GPR39: variants seen among roughly 807,000 people sequenced by gnomAD.
The protein encoded by GPR39 is zinc sensing receptor.
GPR39 carries 23 observed loss-of-function variants against 18.4 expected under a neutral mutation model. That is an observed-to-expected ratio of 1.25 (90% CI 0.90 to 1.77). The LOEUF (loss-of-function observed/expected upper bound fraction) is 1.77. Ranked by LOEUF, GPR39 falls within the 40% of genes most tolerant of loss-of-function variation. The probability of loss-of-function intolerance (pLI) is 0.00; values close to 1 mark genes in which losing one functional copy is unlikely to be tolerated. For missense variants in GPR39, 647 were observed against 602.4 expected, an observed-to-expected ratio of 1.07 and a Z score of -0.78; for synonymous variants, 280 against 257.9, an observed-to-expected ratio of 1.09 and a Z score of -0.82.
Position 132,645,507 on chromosome 2 carries a change from T to TAAGTCC in GPR39, c.1264_1269dup (p.Lys422_Ser423dup). On this transcript the variant is annotated inframe_insertion, in exon 2 of 2. Coordinates refer to ENST00000329321, the MANE Select transcript of GPR39 (RefSeq NM_001508.3). ...TTCAGAGCGAGGCCGAGCCCCAGTC[T>TAAGTCC]AAGTCCCAGTCATTGAGTCTCGAGT... 1 of 1,614,074 alleles carries TAAGTCC rather than the reference T, an allele frequency of 6.2e-7. No individual in the cohort carries two copies. The highest frequency in any genetic ancestry group is 1.1e-5 in the South Asian group (1 of 91,074).
At chr2:132,586,176 G>T (rs1260361242) in intron 1 of GPR39, among the ~76,000 whole-genome samples, 1 of 151,996 alleles carries the variant, frequency 6.6e-6, no homozygotes, top group African/African-American at 2.4e-5. Context: ...AAGTATCTGC[G>T]CTGTCTCCTC....
In GPR39 at chr2:132,646,280, C is replaced by T. The variant is rs766198361; in HGVS notation, c.*674C>T. ...TGCACAGGACTTGCGGTACATGATC[C>T]CTGTAACACAGACCCAAAGGAGCTG... On this transcript the variant is annotated 3_prime_UTR_variant, in exon 2 of 2. Coordinates refer to ENST00000329321, the MANE Select transcript of GPR39 (RefSeq NM_001508.3). 1.3e-6 allele frequency: 2 copies of T among 1,488,256 alleles called. No individual in the cohort carries two copies. Among genetic ancestry groups the T allele is most frequent in the Non-Finnish European group, 1.8e-6 (2 of 1,112,398 alleles). 92.2% of individuals were successfully genotyped at this position (1,488,256 alleles called of 1,614,324 possible).
At chr2:132,611,742 G>A (rs1011486362) in intron 1 of GPR39, among the ~76,000 whole-genome samples, 5 of 152,046 alleles carry the variant, frequency 3.3e-5, no homozygotes, top group African/African-American at 4.8e-5. Flanking sequence ...TTAGCATCTG[G>A]GATGGAGATT....
intron 1 of GPR39, among the ~76,000 whole-genome samples, chr2:132,631,963 C>T (rs530731962): frequency 1.3e-5 from 2 of 152,106 alleles, no homozygotes; most frequent in South Asian, 4.1e-4. Flanking sequence ...GCCAGGATTA[C>T]AGGCATGCAC....
intron 1 of GPR39, among the ~76,000 whole-genome samples, chr2:132,603,664 TAAA>T (rs1681084837): frequency 6.6e-6 from 1 of 152,086 alleles, no homozygotes; most frequent in Non-Finnish European, 1.5e-5. Flanking sequence ...ACATGTCAAC[TAAA>T]AAGAGGAGAA....
chr2:132,469,767 C>G (rs572923588), intron 1 of GPR39, among the ~76,000 whole-genome samples: 1 of 152,156 alleles, frequency 6.6e-6, no homozygotes, highest in African/African-American at 2.4e-5. Flanking sequence ...GAGCCTCTCC[C>G]GAGCACCTGC....
chr2:132,537,507 T>G (rs1679779513), intron 1 of GPR39, among the ~76,000 whole-genome samples: 1 of 151,882 alleles, frequency 6.6e-6, no homozygotes, highest in African/African-American at 2.4e-5. Context: ...AACATTTTTT[T>G]TTTTTTTTTC....
intron 1 of GPR39, among the ~76,000 whole-genome samples, chr2:132,478,060 A>G (rs1374516565): frequency 2.6e-5 from 4 of 152,234 alleles, no homozygotes; most frequent in African/African-American, 7.2e-5. Flanking sequence ...TGTCCCACAC[A>G]TAATCACCAA....
chr2:132,509,100 T>C (rs12691821), intron 1 of GPR39, among the ~76,000 whole-genome samples: 83,828 of 151,996 alleles, frequency 0.55, 23,798 homozygotes, highest in Non-Finnish European at 0.62. Context: ...AAAGTGTTTC[T>C]GGAAGCTTTA....
At chr2:132,580,673 TTAAC>T (rs1680607005) in intron 1 of GPR39, among the ~76,000 whole-genome samples, 1 of 152,126 alleles carries the variant, frequency 6.6e-6, no homozygotes, top group Non-Finnish European at 1.5e-5. Flanking sequence ...ATGTTAAAAA[TTAAC>T]TACAGGCTGG....
At chr2:132,506,682 C>T (rs928829734) in intron 1 of GPR39, among the ~76,000 whole-genome samples, 13 of 152,082 alleles carry the variant, frequency 8.5e-5, no homozygotes, top group African/African-American at 3.1e-4. Context: ...TGTGAGAATT[C>T]ACTCACTATC....
intron 1 of GPR39, among the ~76,000 whole-genome samples, chr2:132,513,065 C>A (rs1037534392): frequency 6.6e-6 from 1 of 151,770 alleles, no homozygotes; most frequent in Non-Finnish European, 1.5e-5. Flanking sequence ...GCTCCTGGGT[C>A]GGTTCTGTTC....
chr2:132,556,584 C>T (rs966292606), intron 1 of GPR39, among the ~76,000 whole-genome samples: 4 of 152,140 alleles, frequency 2.6e-5, no homozygotes, highest in Admixed American at 2.6e-4. Context: ...CGGTCAAATG[C>T]CAGGTCTGAT....
chr2:132,472,461 T>G (rs1325969267), intron 1 of GPR39, among the ~76,000 whole-genome samples: 2 of 152,116 alleles, frequency 1.3e-5, no homozygotes, highest in East Asian at 3.9e-4. Context: ...TGCCAGAAGC[T>G]TTGCTTCCTG....
At chr2:132,581,312 A>G (rs1261870861) in intron 1 of GPR39, among the ~76,000 whole-genome samples, 1 of 149,914 alleles carries the variant, frequency 6.7e-6, no homozygotes, top group African/African-American at 2.5e-5. Context: ...GAGTCTTCAC[A>G]GGGCTATGGG....
intron 1 of GPR39, among the ~76,000 whole-genome samples, chr2:132,479,273 T>C (rs924265328): frequency 7.9e-5 from 12 of 152,056 alleles, no homozygotes; most frequent in Non-Finnish European, 1.6e-4. Context: ...GCGAATTAAG[T>C]GGTATAGAAG....
intron 1 of GPR39, among the ~76,000 whole-genome samples, chr2:132,483,050 C>T (rs1392088655): frequency 1.3e-5 from 2 of 152,120 alleles, no homozygotes; most frequent in East Asian, 1.9e-4. Context: ...AACTCTGCCA[C>T]GTACTAACTG....
chr2:132,580,468 A>G (rs1431256015), intron 1 of GPR39, among the ~76,000 whole-genome samples: 1 of 152,200 alleles, frequency 6.6e-6, no homozygotes, highest in Non-Finnish European at 1.5e-5. Flanking sequence ...TAGGTCAGAA[A>G]CATCATCTTT....
At chr2:132,602,219 C>T (rs1681055765) in intron 1 of GPR39, among the ~76,000 whole-genome samples, 1 of 151,922 alleles carries the variant, frequency 6.6e-6, no homozygotes, top group African/African-American at 2.4e-5. Flanking sequence ...CAAGAGAATC[C>T]AGAAATAAAT....
Sources: gnomAD v4.1 joint callset for allele counts (sites outside exome capture counted in the v4.1 genomes callset) on GRCh38, gnomAD v4.1.1 for gene constraint, MANE v1.5 for transcripts, NCBI Gene and HGNC (gene_info 2026-07-23, HGNC 2026-07-21) for gene names.